Variants in NSD3 observed in about 807,000 individuals in gnomAD.
NSD3 encodes the protein nuclear receptor binding SET domain protein 3, also known as histone-lysine N-methyltransferase NSD3.
In NSD3, 24 loss-of-function variants were observed where a neutral mutation model predicts 160.8. The ratio of observed to expected loss-of-function variants is 0.15; its 90% CI spans 0.11 to 0.21. The LOEUF (loss-of-function observed/expected upper bound fraction) is 0.21, where lower values mean the gene tolerates loss of function less well. Among genes scored for constraint, NSD3 ranks in the 10% least tolerant of loss-of-function variants. NSD3 has a pLI of 1.00. For missense variants in NSD3, 1,157 were observed against 1,735.9 expected (o/e 0.67, Z 5.93); for synonymous variants, 520 against 600.0 (o/e 0.87, Z 1.95).
intron 19 of NSD3, among the ~76,000 whole-genome samples, chr8:38,287,392 G>A (rs1389188899): frequency 1.3e-5 from 2 of 152,120 alleles, no homozygotes; most frequent in East Asian, 1.9e-4. Flanking sequence ...GCTATCGTGT[G>A]TGAATGGGAA....
At chr8:38,278,049 C>T (rs1022666944) in intron 22 of NSD3, among the ~76,000 whole-genome samples, 3 of 152,046 alleles carry the variant, frequency 2.0e-5, no homozygotes, top group Non-Finnish European at 4.4e-5. Flanking sequence ...CGCCATTCTC[C>T]TGCCTCAGCC....
At position 38,315,996 on chromosome 8, in the gene NSD3, A is replaced by C. The variant is rs1207267789; in HGVS notation, c.1902T>G (p.Ser634Arg). ...TCATTTCTACATCAGTTGAGGCGCG[A>C]CTCCTTTTCTTTAGAGGTTTACAGG... is the stretch of plus-strand genomic sequence containing the variant. ...SDSCKPLKKRSRASTDVEMTS... is the reference protein window; with the variant it reads ...SDSCKPLKKRRRASTDVEMTS... The change falls in exon 10 of 24, where the codon AGT becomes AGG. Residue 634 changes from serine to arginine, a missense_variant. Physicochemically the swap from Ser to Arg is moderately radical, Grantham distance 110. Transcript: ENST00000317025. 2.2e-5 allele frequency: 35 copies of C among 1,612,938 alleles called. No homozygotes were observed. Among genetic ancestry groups the C allele is most frequent in the Non-Finnish European group, 3.0e-5 (35 of 1,179,942 alleles).
Position 38,271,431 on chromosome 8 carries a change from G to C in NSD3, c.*4210C>G, listed in dbSNP as rs1226202147. 6.6e-6 allele frequency: 1 copy of C among 151,938 alleles called. No homozygotes were observed. The highest frequency in any genetic ancestry group is 1.5e-5 in the Non-Finnish European group (1 of 67,976). The allele number at this position is 151,938 out of a possible 1,614,324, so 9.4% of individuals were successfully genotyped here. A position where few individuals can be genotyped will look rare whatever the true frequency, so the allele number is the denominator to read the frequency against. On this transcript the variant is annotated 3_prime_UTR_variant, in exon 24 of 24. Transcript: ENST00000317025. ...CTTACCCTTTACCAGGAGAAAGGGG[G>C]TTCCCTTTCTCCTGGTACCCCACCC...
rs181354532 is a variant in NSD3 at position 38,365,101 on chromosome 8, T to A, written c.-45+16698A>T. Among the ~76,000 whole-genome samples the A allele has an allele frequency of 9.3e-4, 141 of 152,328 alleles. 2 individuals carry two copies. Among genetic ancestry groups the A allele is most frequent in the Admixed American group, 7.3e-3 (112 of 15,292 alleles). On this transcript the variant is annotated intron_variant, in intron 1 of 23. Coordinates refer to ENST00000317025, the MANE Select transcript of NSD3 (RefSeq NM_023034.2). ...CATGAGGCAGATAGAATTTATTTAG[T>A]ATATATTGTATGTCTGGACAAAAGT... is the stretch of plus-strand genomic sequence containing the variant.
intron 7 of NSD3, among the ~76,000 whole-genome samples, chr8:38,326,324 A>G (rs1336113992): frequency 6.6e-6 from 1 of 152,222 alleles, no homozygotes. Flanking sequence ...TAGCACAACT[A>G]GGAATAATGA....
intron 1 of NSD3, among the ~76,000 whole-genome samples, chr8:38,358,558 T>A (rs538393603): frequency 4.1e-4 from 63 of 152,100 alleles, no homozygotes; most frequent in East Asian, 5.8e-4. Context: ...TTTAAAAAAA[T>A]TTTTTTTAAG....
rs201547409 is a variant in NSD3 at position 38,340,096 on chromosome 8, T to TA, written c.676-1490dup. Among the ~76,000 whole-genome samples the TA allele has an allele frequency of 7.5e-3, 1,103 of 147,594 alleles. 7 individuals carry two copies. Among genetic ancestry groups the TA allele is most frequent in the African/African-American group, 0.021 (868 of 40,420 alleles). On this transcript the variant is annotated intron_variant, in intron 2 of 23. Transcript: ENST00000317025. ...ACCTTTTTATTATTCGTCTTTTCTG[T>TA]AAAAAAAAAACCAAATTACTTCTAC...
intron 12 of NSD3, among the ~76,000 whole-genome samples, chr8:38,309,078 G>A (rs1809473077): frequency 6.6e-6 from 1 of 151,936 alleles, no homozygotes; most frequent in African/African-American, 2.4e-5. Context: ...GGAGGCCAAG[G>A]TGGGTGCATT....
At position 38,316,780 on chromosome 8, in the gene NSD3, GA is replaced by G. The variant is rs1809677271; in HGVS notation, c.1856-739del. On this transcript the variant is annotated intron_variant, in intron 9 of 23. Transcript: ENST00000317025. This position sits in a 1 kb window ranked among gnomAD's most constrained non-coding sequence, Gnocchi z 4.5. ...AATTTGTGCGGGAAGAAATAAATAG[GA>G]AAAAAAAGGCAGAGAATAGTGTGGA... is the stretch of plus-strand genomic sequence containing the variant. 1.0e-5 allele frequency: 11 copies of G among 1,058,372 alleles called. No individual in the cohort carries two copies. The highest frequency in any genetic ancestry group is 5.2e-5 in the East Asian group (1 of 19,216). The allele number at this position is 1,058,372 out of a possible 1,614,324, so 65.6% of individuals were successfully genotyped here.
At chr8:38,334,718 C>CT (rs1157451666) in intron 4 of NSD3, among the ~76,000 whole-genome samples, 3 of 152,004 alleles carry the variant, frequency 2.0e-5, no homozygotes, top group Non-Finnish European at 2.9e-5. Flanking sequence ...TGAGATCGTG[C>CT]TACTGCACTA....
At position 38,313,674 on chromosome 8, in the gene NSD3, G is replaced by A. The variant is rs112254078; in HGVS notation, c.2242+973C>T. On this transcript the variant is annotated intron_variant, in intron 12 of 23. Transcript: ENST00000317025. Reference sequence around the variant, plus strand: ...GTGGTGGCAGGCACCTGTAGTCCCAGCTACTCGGGAGGCTGAGGCAGGAGA... The same window carrying A: ...GTGGTGGCAGGCACCTGTAGTCCCAACTACTCGGGAGGCTGAGGCAGGAGA... 4.9e-3 allele frequency among the ~76,000 whole-genome samples: 741 copies of A among 151,992 alleles called. 10 individuals carry two copies. Among genetic ancestry groups the A allele is most frequent in the African/African-American group, 0.017 (696 of 41,452 alleles).
At chr8:38,324,532 A>G (rs1003267003) in intron 7 of NSD3, among the ~76,000 whole-genome samples, 1 of 152,214 alleles carries the variant, frequency 6.6e-6, no homozygotes, top group African/African-American at 2.4e-5. Flanking sequence ...TTACCACTTC[A>G]GGTCTTAAGA....
At chr8:38,315,763 A>G (rs1301670828) in intron 10 of NSD3, 149 bp downstream of exon 10, 5 of 1,296,154 alleles carry the variant, frequency 3.9e-6, no homozygotes, top group Non-Finnish European at 5.2e-6. Flanking sequence ...GTTATATAAC[A>G]TGAGAGCAAA....
At chr8:38,326,063 G>A (rs1238435448) in intron 7 of NSD3, among the ~76,000 whole-genome samples, 2 of 151,846 alleles carry the variant, frequency 1.3e-5, no homozygotes, top group African/African-American at 2.4e-5. Context: ...CAGGAGAATC[G>A]CTTGAACCTG....
Position 38,304,519 on chromosome 8 carries a change from ACT to A in NSD3, c.2611+66_2611+67del, listed in dbSNP as rs1188563411. The A allele has an allele frequency of 4.0e-6, 6 of 1,503,672 alleles. No individual in the cohort carries two copies. The African/African-American group carries it at 7.0e-5, about 17-fold the overall frequency. 93.1% of individuals were successfully genotyped at this position (1,503,672 alleles called of 1,614,324 possible). On this transcript the variant is annotated intron_variant, in intron 14 of 23. Transcript: ENST00000317025. ...GCCTGAGTTCTTTCCCAATGCTGAG[ACT>A]CTATGTTAATGGAGAAATATGCCAA...
chr8:38,330,583 G>C (rs907911235), intron 5 of NSD3, among the ~76,000 whole-genome samples: 1 of 152,134 alleles, frequency 6.6e-6, no homozygotes, highest in African/African-American at 2.4e-5. Flanking sequence ...TTATCCAGGT[G>C]GCTAGACTGA....
chr8:38,341,953 C>CA (rs1382834789), intron 2 of NSD3, among the ~76,000 whole-genome samples: 259 of 144,796 alleles, frequency 1.8e-3, no homozygotes, highest in South Asian at 6.4e-3. Flanking sequence ...TCCAAAAAAA[C>CA]AAAAAAAAAA....
Position 38,289,450 on chromosome 8 carries a change from T to C in NSD3, c.3174A>G (p.Lys1058=). 6.2e-7 allele frequency: 1 copy of C among 1,614,084 alleles called. No homozygotes were observed. The highest frequency in any genetic ancestry group is 1.1e-5 in the South Asian group (1 of 91,058). ...AGTTTTTTTCAATCTCTAGGGCTTCTTTACTTTCTCTTTGTGCTTTCAATT... is the reference window on the plus strand; with the variant it reads ...AGTTTTTTTCAATCTCTAGGGCTTCCTTACTTTCTCTTTGTGCTTTCAATT... ...FQELKAQRES[K]EALEIEKNSR... Residue 1058 remains lysine (K), a synonymous_variant, in exon 18 of 24, where the codon AAA becomes AAG. Coordinates refer to ENST00000317025, the MANE Select transcript of NSD3 (RefSeq NM_023034.2).
intron 1 of NSD3, among the ~76,000 whole-genome samples, chr8:38,359,352 A>G (rs1810903631): frequency 6.6e-6 from 1 of 152,214 alleles, no homozygotes; most frequent in South Asian, 2.1e-4. Context: ...TGAAGTATGA[A>G]CAGAAGCAAA....
Sources: allele counts gnomAD v4.1 joint callset (sites outside exome capture counted in the v4.1 genomes callset), GRCh38; gene constraint gnomAD v4.1.1; non-coding constraint Gnocchi (gnomAD v3.1); transcripts MANE v1.5; gene names NCBI Gene and HGNC (gene_info 2026-07-23, HGNC 2026-07-21).